SYN3: variants seen among roughly 807,000 people sequenced by gnomAD.
The protein encoded by SYN3 is synapsin III.
SYN3 carries 35 observed loss-of-function variants against 65.8 expected under a neutral mutation model. The observed-to-expected ratio is 0.53, with a 90% CI of 0.41 to 0.70. The LOEUF (loss-of-function observed/expected upper bound fraction) is 0.70, where lower values mean the gene tolerates loss of function less well. Ranked by LOEUF, SYN3 falls within the 30% of genes least tolerant of loss-of-function variation. The pLI, the probability that SYN3 is intolerant of heterozygous loss-of-function variation, is 0.00. For missense variants in SYN3, 680 were observed against 749.0 expected, an observed-to-expected ratio of 0.91 and a Z score of 1.08; for synonymous variants, 270 against 292.9, an observed-to-expected ratio of 0.92 and a Z score of 0.80.
chr22:32,525,138 T>A (rs988143983), intron 12 of SYN3, among the ~76,000 whole-genome samples: 3 of 152,212 alleles, frequency 2.0e-5, no homozygotes, highest in Non-Finnish European at 2.9e-5. Context: ...ATTAATAATA[T>A]TTGGGATTCA....
At chr22:32,911,124 T>C (rs972545625) in intron 4 of SYN3, among the ~76,000 whole-genome samples, 1 of 152,182 alleles carries the variant, frequency 6.6e-6, no homozygotes, top group African/African-American at 2.4e-5. Flanking sequence ...ATGATGACTA[T>C]AGTGATTTAT....
At chr22:32,976,570 C>T (rs1196505121) in intron 3 of SYN3, among the ~76,000 whole-genome samples, 1 of 152,144 alleles carries the variant, frequency 6.6e-6, no homozygotes, top group Non-Finnish European at 1.5e-5. Context: ...GACCCTTTGC[C>T]TCAAATATAA....
intron 6 of SYN3, among the ~76,000 whole-genome samples, chr22:32,675,470 G>T (rs2060426983): frequency 6.6e-6 from 1 of 152,146 alleles, no homozygotes; most frequent in Non-Finnish European, 1.5e-5. Flanking sequence ...TTAGGTTGGG[G>T]TGATTCTGGA....
At chr22:32,676,710 G>GTTT (rs130749) in intron 6 of SYN3, among the ~76,000 whole-genome samples, 209 of 133,798 alleles carry the variant, frequency 1.6e-3, no homozygotes, top group Non-Finnish European at 2.2e-3. Context: ...TTAATTTTTT[G>GTTT]TTTTTTTTTT....
At chr22:32,596,092 T>C (rs1274768520) in intron 7 of SYN3, among the ~76,000 whole-genome samples, 1 of 151,820 alleles carries the variant, frequency 6.6e-6, no homozygotes, top group Admixed American at 6.6e-5. Flanking sequence ...CAAAATAAAG[T>C]GTGTAGCACC....
intron 4 of SYN3, among the ~76,000 whole-genome samples, chr22:32,929,120 T>A (rs914871653): frequency 6.6e-5 from 10 of 152,230 alleles, no homozygotes; most frequent in South Asian, 6.2e-4. Flanking sequence ...CTGTTTCTAC[T>A]AAAAATACAA....
chr22:32,527,287 C>T (rs2057994163), intron 12 of SYN3, among the ~76,000 whole-genome samples: 1 of 152,212 alleles, frequency 6.6e-6, no homozygotes. Flanking sequence ...CTACCATTTT[C>T]TGCCTCCTTG....
intron 6 of SYN3, among the ~76,000 whole-genome samples, chr22:32,620,788 C>T (rs1017569617): frequency 1.4e-4 from 21 of 151,926 alleles, no homozygotes; most frequent in Admixed American, 1.0e-3. Context: ...GGCACTATCT[C>T]GGCTCACTGC....
chr22:32,931,004 T>C (rs1196693886), intron 4 of SYN3: 1 of 165,638 alleles, frequency 6.0e-6, no homozygotes, highest in Non-Finnish European at 1.3e-5. Context: ...GTACCGCACT[T>C]CAGAGTTAAC....
intron 9 of SYN3, 84 bp downstream of exon 9, chr22:32,537,952 C>A: frequency 8.1e-7 from 1 of 1,232,122 alleles, no homozygotes; most frequent in Non-Finnish European, 1.2e-6. Flanking sequence ...GCGGAGTGGC[C>A]TTCTCTTCAG....
intron 6 of SYN3, among the ~76,000 whole-genome samples, chr22:32,661,441 C>T (rs982616357): frequency 9.9e-5 from 15 of 152,282 alleles, no homozygotes; most frequent in Non-Finnish European, 1.2e-4. Context: ...ACTCACAGCA[C>T]ATCAATGGGG....
intron 6 of SYN3, among the ~76,000 whole-genome samples, chr22:32,618,711 G>C (rs2059554868): frequency 1.3e-5 from 2 of 152,168 alleles, no homozygotes. Flanking sequence ...GAGACCCCTG[G>C]GACAACATCA....
intron 6 of SYN3, among the ~76,000 whole-genome samples, chr22:32,605,636 A>C (rs2059362096): frequency 6.6e-6 from 1 of 152,190 alleles, no homozygotes; most frequent in Admixed American, 6.5e-5. Context: ...CTCAGCAAGA[A>C]AGTGGAAGAG....
chr22:32,936,663 C>T (rs1294052623), intron 3 of SYN3, among the ~76,000 whole-genome samples: 1 of 152,170 alleles, frequency 6.6e-6, no homozygotes, highest in Non-Finnish European at 1.5e-5. Flanking sequence ...CATGTGCTCA[C>T]CAGCTAGAGG....
Position 32,512,582 on chromosome 22 carries a change from G to A in SYN3, c.*1110C>T, listed in dbSNP as rs2057703233. ...ATTTAACAAAGCTGATTTCTTTCCT[G>A]CAGGAATTCCGAAAGCCTTTGACAT... On this transcript the variant is annotated 3_prime_UTR_variant, in exon 14 of 14. Coordinates refer to ENST00000358763, the MANE Select transcript of SYN3 (RefSeq NM_003490.4). The A allele has an allele frequency of 6.6e-6, 1 of 152,190 alleles. No homozygotes were observed. Among genetic ancestry groups the A allele is most frequent in the Non-Finnish European group, 1.5e-5 (1 of 68,026 alleles). The allele number at this position is 152,190 out of a possible 1,614,324, so 9.4% of individuals were successfully genotyped here.
intron 4 of SYN3, among the ~76,000 whole-genome samples, chr22:32,874,823 CTTAA>C (rs2048940948): frequency 6.6e-6 from 1 of 152,104 alleles, no homozygotes. Flanking sequence ...CACGTTTTCT[CTTAA>C]TTGTCTCCAC....
intron 6 of SYN3, among the ~76,000 whole-genome samples, chr22:32,824,197 A>C (rs992118407): frequency 5.3e-5 from 8 of 151,648 alleles, no homozygotes; most frequent in African/African-American, 1.7e-4. Context: ...ATAATCACTT[A>C]AACTTGGGAG....
Position 33,034,714 on chromosome 22 carries a change from A to G in SYN3, c.-163+23578T>C, listed in dbSNP as rs560976892. Among the ~76,000 whole-genome samples the G allele has an allele frequency of 1.7e-4, 26 of 152,216 alleles. 2 individuals carry two copies. The South Asian group carries it at 5.2e-3, about 30-fold the overall frequency. On this transcript the variant is annotated intron_variant, in intron 1 of 13. Coordinates refer to ENST00000358763, the MANE Select transcript of SYN3 (RefSeq NM_003490.4). ...CCTCACACAACCCCGTAAAGCAAAA[A>G]CTATTTTTAACCCCATTTTACGCAT...
chr22:32,614,416 C>G (rs1428402799), intron 6 of SYN3, among the ~76,000 whole-genome samples: 1 of 152,210 alleles, frequency 6.6e-6, no homozygotes, highest in Non-Finnish European at 1.5e-5. Context: ...TCAGGCAGCT[C>G]TGTATGGACA....
Sources: allele counts gnomAD v4.1 joint callset (sites outside exome capture counted in the v4.1 genomes callset), GRCh38; gene constraint gnomAD v4.1.1; transcripts MANE v1.5; gene names NCBI Gene and HGNC (gene_info 2026-07-23, HGNC 2026-07-21).